The following NOL4L variants were observed in gnomAD, a reference collection of about 807,000 sequenced individuals.
NOL4L encodes the protein nucleolar protein 4 like, also known as nucleolar protein 4-like.
A neutral mutation model predicts 64.5 loss-of-function variants in NOL4L; 7 were observed. The ratio of observed to expected loss-of-function variants is 0.11; its 90% CI spans 0.06 to 0.20. NOL4L has a LOEUF of 0.20. Among genes scored for constraint, NOL4L ranks in the 10% least tolerant of loss-of-function variants. The probability of loss-of-function intolerance (pLI) is 1.00; values close to 1 mark genes in which losing one functional copy is unlikely to be tolerated. For missense variants in NOL4L, 680 were observed against 967.1 expected (o/e 0.70, Z 3.94); for synonymous variants, 413 against 401.0 (o/e 1.03, Z -0.36).
chr20:32,461,054 G>T (rs1389498836), intron 5 of NOL4L, among the ~76,000 whole-genome samples: 2 of 152,232 alleles, frequency 1.3e-5, no homozygotes, highest in African/African-American at 4.8e-5. Context: ...GTGGGGCGAG[G>T]GCTGAAGCCT....
chr20:32,478,149 T>C (rs2015507079), intron 4 of NOL4L, among the ~76,000 whole-genome samples: 1 of 151,412 alleles, frequency 6.6e-6, no homozygotes, highest in Non-Finnish European at 1.5e-5. Flanking sequence ...CCTCACCACA[T>C]CTCCTCCCTT....
At chr20:32,551,419 G>C (rs2018800721) in intron 1 of NOL4L, among the ~76,000 whole-genome samples, 1 of 151,700 alleles carries the variant, frequency 6.6e-6, no homozygotes, top group South Asian at 2.1e-4. Context: ...ATCATCGTGA[G>C]CATCATCCTC....
Position 32,463,866 on chromosome 20 carries a change from G to A in NOL4L, c.842-7471C>T, listed in dbSNP as rs982163436. 6.6e-6 allele frequency among the ~76,000 whole-genome samples: 1 copy of A among 152,158 alleles called. No homozygotes were observed. Among genetic ancestry groups the A allele is most frequent in the African/African-American group, 2.4e-5 (1 of 41,430 alleles). ...CACCAGCTCCCAGGCTAGGCTCGGA[G>A]AACGGGAAGGCCCACCATCCCTGGG... is the stretch of plus-strand genomic sequence containing the variant. On this transcript the variant is annotated intron_variant, in intron 5 of 10. Coordinates refer to ENST00000621426, the MANE Select transcript of NOL4L (RefSeq NM_001256798.2). This position sits in a 1 kb window ranked among gnomAD's most constrained non-coding sequence, Gnocchi z 5.8.
chr20:32,454,805 C>T (rs2013317257), intron 6 of NOL4L, among the ~76,000 whole-genome samples: 1 of 152,200 alleles, frequency 6.6e-6, no homozygotes, highest in South Asian at 2.1e-4. Flanking sequence ...ATGGTCAGAC[C>T]CTGTGATGTG....
rs1271001189 is a variant in NOL4L at position 32,447,274 on chromosome 20, T to C, written c.*322A>G. 1.8e-6 allele frequency: 1 copy of C among 559,130 alleles called. No individual in the cohort carries two copies. Among genetic ancestry groups the C allele is most frequent in the South Asian group, 1.5e-5 (1 of 65,524 alleles). The allele number at this position is 559,130 out of a possible 1,614,324, so 34.6% of individuals were successfully genotyped here. On this transcript the variant is annotated 3_prime_UTR_variant, in exon 11 of 11. Coordinates refer to ENST00000621426, the MANE Select transcript of NOL4L (RefSeq NM_001256798.2). ...ATTATCTGGGGGTGGGATTCTAACA[T>C]CAGGGTCCACGAAGGTGATTCTAAA...
intron 4 of NOL4L, among the ~76,000 whole-genome samples, chr20:32,505,949 T>A (rs1439335440): frequency 6.6e-6 from 1 of 152,130 alleles, no homozygotes; most frequent in Non-Finnish European, 1.5e-5. Context: ...TGAAAAAATT[T>A]TGGAAATAGA....
intron 4 of NOL4L, among the ~76,000 whole-genome samples, chr20:32,508,461 G>A (rs1196824152): frequency 2.6e-5 from 4 of 152,230 alleles, no homozygotes; most frequent in Non-Finnish European, 5.9e-5. Flanking sequence ...TGCCTAAGAG[G>A]CTGAGGCCTT....
chr20:32,525,784 G>C (rs2018110907), intron 2 of NOL4L, among the ~76,000 whole-genome samples: 1 of 152,040 alleles, frequency 6.6e-6, no homozygotes, highest in African/African-American at 2.4e-5. Flanking sequence ...TGGAGACAGA[G>C]TCTCACTCTG....
intron 5 of NOL4L, among the ~76,000 whole-genome samples, chr20:32,466,069 G>A (rs1318220937): frequency 1.3e-5 from 2 of 150,658 alleles, no homozygotes; most frequent in African/African-American, 4.9e-5. Context: ...CTGGGTTCAA[G>A]CGATTCTCCT....
chr20:32,567,103 T>G (rs945401909), intron 1 of NOL4L, among the ~76,000 whole-genome samples: 5 of 152,162 alleles, frequency 3.3e-5, no homozygotes, highest in Non-Finnish European at 5.9e-5. Flanking sequence ...AGCTTGGCTT[T>G]GCTAGAATCA....
chr20:32,488,868 T>C (rs963780993), intron 4 of NOL4L, among the ~76,000 whole-genome samples: 3 of 103,198 alleles, frequency 2.9e-5, no homozygotes, highest in East Asian at 5.2e-4. Context: ...TCTTTCTTTC[T>C]TTCTTTCTTT....
In NOL4L at chr20:32,447,318, G is replaced by C. The variant is rs557850410; in HGVS notation, c.*278C>G. On this transcript the variant is annotated 3_prime_UTR_variant, in exon 11 of 11. Coordinates refer to ENST00000621426, the MANE Select transcript of NOL4L (RefSeq NM_001256798.2). ...TTCTAAACAGAGCTGCAGCCCCAGC[G>C]CCTTGTCAGGGGAGCCCCCAACCCT... 2.1e-5 allele frequency: 13 copies of C among 608,222 alleles called. No individual in the cohort carries two copies. The highest frequency in any genetic ancestry group is 2.5e-4 in the Middle Eastern group (1 of 3,964). 37.7% of individuals were successfully genotyped at this position (608,222 alleles called of 1,614,324 possible).
intron 3 of NOL4L, among the ~76,000 whole-genome samples, chr20:32,517,222 G>A (rs1254058511): frequency 6.6e-6 from 1 of 152,152 alleles, no homozygotes; most frequent in African/African-American, 2.4e-5. Context: ...TTTAACATAA[G>A]GCCAGGAAGC....
At chr20:32,459,987 C>T (rs2013898814) in intron 5 of NOL4L, among the ~76,000 whole-genome samples, 1 of 152,148 alleles carries the variant, frequency 6.6e-6, no homozygotes, top group African/African-American at 2.4e-5. Context: ...GGAAACAGGC[C>T]AGACGGACAA....
At chr20:32,533,044 A>C (rs2018401024) in intron 1 of NOL4L, among the ~76,000 whole-genome samples, 1 of 152,216 alleles carries the variant, frequency 6.6e-6, no homozygotes, top group East Asian at 1.9e-4. Flanking sequence ...TCAGCTACTC[A>C]GGATGCTGAG....
chr20:32,459,687 G>A (rs572986438), intron 5 of NOL4L, among the ~76,000 whole-genome samples: 1 of 151,946 alleles, frequency 6.6e-6, no homozygotes, highest in Non-Finnish European at 1.5e-5. Flanking sequence ...GCCCAGCCTC[G>A]GCTAATTTTT....
At chr20:32,520,760 C>T in intron 3 of NOL4L, 51 bp downstream of exon 3, 1 of 1,161,324 alleles carries the variant, frequency 8.6e-7, no homozygotes, top group Non-Finnish European at 1.2e-6. Context: ...CAGGGACAGT[C>T]CACTCTTAGA....
intron 1 of NOL4L, among the ~76,000 whole-genome samples, chr20:32,541,048 C>CACACACACACAA (rs1555806421): frequency 6.6e-6 from 1 of 150,572 alleles, no homozygotes; most frequent in East Asian, 1.9e-4. Flanking sequence ...CACACACACA[C>CACACACACACAA]TATTCCCTCT....
At chr20:32,465,168 CGTCAGGTCCCGAGT>C in intron 5 of NOL4L, 1 of 473,164 alleles carries the variant, frequency 2.1e-6, no homozygotes, top group Non-Finnish European at 3.9e-6. Flanking sequence ...ACCAATTATG[CGTCAGGTCCCGAGT>C]GTCAGGCGGC....
Sources: allele counts gnomAD v4.1 joint callset (sites outside exome capture counted in the v4.1 genomes callset), GRCh38; gene constraint gnomAD v4.1.1; non-coding constraint Gnocchi (gnomAD v3.1); transcripts MANE v1.5; gene names NCBI Gene and HGNC (gene_info 2026-07-23, HGNC 2026-07-21).